The following GAK variants were observed in gnomAD, a reference collection of about 807,000 sequenced individuals.
The protein encoded by GAK is cyclin G associated kinase.
Under a neutral mutation model 143.9 loss-of-function variants are expected in GAK, and 79 were observed. The observed-to-expected ratio is 0.55, with a 90% confidence interval of 0.46 to 0.66. The LOEUF (loss-of-function observed/expected upper bound fraction) is 0.66. Ranked by LOEUF, GAK falls within the 30% of genes least tolerant of loss-of-function variation. The pLI, the probability that GAK is intolerant of heterozygous loss-of-function variation, is 0.00. For missense variants in GAK, 1,693 were observed against 1,779.7 expected, an observed-to-expected ratio of 0.95 and a Z score of 0.88; for synonymous variants, 881 against 765.5, an observed-to-expected ratio of 1.15 and a Z score of -2.49.
intron 18 of GAK, among the ~76,000 whole-genome samples, chr4:875,390 C>T (rs991719506): frequency 2.2e-4 from 33 of 152,264 alleles, no homozygotes; most frequent in Non-Finnish European, 2.9e-4. Flanking sequence ...GAAGACACCC[C>T]GGTCTCCCGG....
intron 4 of GAK, among the ~76,000 whole-genome samples, chr4:909,422 C>T (rs963726041): frequency 3.3e-5 from 5 of 152,212 alleles, no homozygotes; most frequent in Non-Finnish European, 7.3e-5. Context: ...GGAGCCTTGA[C>T]GAGGCCCCGG....
At chr4:906,047 G>A (rs1290264477) in intron 4 of GAK, among the ~76,000 whole-genome samples, 5 of 152,216 alleles carry the variant, frequency 3.3e-5, no homozygotes, top group Admixed American at 6.5e-5. Flanking sequence ...CTGGCATGCC[G>A]TTAACGTGAG....
intron 19 of GAK, chr4:869,944 C>T (rs1201009488): frequency 6.6e-6 from 1 of 151,960 alleles, no homozygotes; most frequent in African/African-American, 2.4e-5. Flanking sequence ...CATGCACACA[C>T]ACAAATGGAC....
rs893361522 is a variant in GAK at position 866,441 on chromosome 4, G to A, written c.2966C>T (p.Ser989Phe). ...CGGGAAGGATGGTGGGACGGTCACA[G>A]AGTCCGAATTGAGAAATTCGCCGAA... ...DLFGEFLNSD[S>F]VTVPPSFPSA... Residue 989 changes from serine to phenylalanine, a missense_variant, in exon 22 of 28, where the codon TCT becomes TTT. By Grantham distance (155) the Ser-to-Phe change is radical. This residue lies in a region of GAK where 822 missense variants were observed against 788.7 expected (regional missense o/e 1.04). Coordinates refer to ENST00000314167, the MANE Select transcript of GAK (RefSeq NM_005255.4). 8.1e-6 allele frequency: 13 copies of A among 1,614,028 alleles called. No homozygotes were observed. The highest frequency in any genetic ancestry group is 1.0e-5 in the Non-Finnish European group (12 of 1,179,984).
chr4:849,487 ACAAT>A lies in GAK; in HGVS notation c.*182_*185del. On this transcript the variant is annotated 3_prime_UTR_variant, in exon 28 of 28. Coordinates refer to ENST00000314167, the MANE Select transcript of GAK (RefSeq NM_005255.4). ...CCTTCGGGAGGAGAAAAAGGAAACA[ACAAT>A]CAGAGGCTTTGGAATGCTTTCTCTT... The A allele has an allele frequency of 1.7e-6, 1 of 582,236 alleles. No homozygotes were observed. Among genetic ancestry groups the A allele is most frequent in the Non-Finnish European group, 3.1e-6 (1 of 320,990 alleles). 36.1% of individuals were successfully genotyped at this position (582,236 alleles called of 1,614,324 possible). A position where few individuals can be genotyped will look rare whatever the true frequency, so the allele number is the denominator to read the frequency against.
intron 15 of GAK, among the ~76,000 whole-genome samples, chr4:881,629 C>A (rs1301445306): frequency 6.6e-6 from 1 of 152,272 alleles, no homozygotes. Context: ...CCAGAGCCCA[C>A]CACATACATG....
chr4:858,934 G>A (rs1749767863), intron 24 of GAK, among the ~76,000 whole-genome samples: 1 of 152,228 alleles, frequency 6.6e-6, no homozygotes. Flanking sequence ...AGCATCCCAA[G>A]GTGGAGCCAC....
chr4:920,524 A>G (rs1723740677), intron 1 of GAK, among the ~76,000 whole-genome samples: 2 of 148,460 alleles, frequency 1.3e-5, no homozygotes. Context: ...AAAATTGTGA[A>G]AAAGGTTTAG....
intron 18 of GAK, among the ~76,000 whole-genome samples, chr4:875,645 C>T (rs1363309497): frequency 6.6e-6 from 1 of 152,252 alleles, no homozygotes; most frequent in African/African-American, 2.4e-5. Flanking sequence ...GTTTGTTCCA[C>T]TGTGTCTTGG....
At chr4:866,909 C>A in intron 21 of GAK, 47 bp downstream of exon 21, 1 of 1,327,108 alleles carries the variant, frequency 7.5e-7, no homozygotes, top group South Asian at 1.5e-5. Flanking sequence ...TCAGCCTCAT[C>A]ACTCATCTAC....
At chr4:896,580 GT>G in intron 6 of GAK, 31 bp from the exon 7 acceptor site, 1 of 1,528,220 alleles carries the variant, frequency 6.5e-7, no homozygotes, top group Non-Finnish European at 9.1e-7. Context: ...CAAAGGAAAA[GT>G]TGCATCCCAC....
In GAK at chr4:913,621, C is replaced by G; in HGVS notation, c.193G>C (p.Glu65Gln). The G allele has an allele frequency of 6.2e-7, 1 of 1,613,550 alleles. No individual in the cohort carries two copies. Among genetic ancestry groups the G allele is most frequent in the South Asian group, 1.1e-5 (1 of 91,080 alleles). ...TGGTTCATTACCTTTAATGCATACT[C>G]TCTGCCACTCCCCACATCTTGAGCT... Reference protein sequence around the residue: ...YEAQDVGSGREYALKRLLSNE... With the variant: ...YEAQDVGSGRQYALKRLLSNE... The change falls in exon 2 of 28, where the codon GAG becomes CAG. Residue 65 changes from glutamate to glutamine, a missense_variant. Transcript: ENST00000314167.
intron 1 of GAK, among the ~76,000 whole-genome samples, chr4:914,584 G>A (rs1399324065): frequency 1.0e-5 from 1 of 97,414 alleles, no homozygotes. Flanking sequence ...CAGCCCCAGG[G>A]TGCACGGCCC....
At chr4:897,197 T>C (rs1718970176) in intron 6 of GAK, among the ~76,000 whole-genome samples, 5 of 152,204 alleles carry the variant, frequency 3.3e-5, no homozygotes. Flanking sequence ...CATCCTCAGC[T>C]GCAGATTCAC....
In GAK at chr4:918,804, C is replaced by T. The variant is rs371685783; in HGVS notation, c.146-5136G>A. On this transcript the variant is annotated intron_variant, in intron 1 of 27. Coordinates refer to ENST00000314167, the MANE Select transcript of GAK (RefSeq NM_005255.4). ...AGGCAGAAGGCTCCAAAGGCCTCAG[C>T]GCCGCATGACCTTAGAAAGGCAGAA... Among the ~76,000 whole-genome samples the T allele has an allele frequency of 7.6e-4, 107 of 141,442 alleles. 1 individual carries two copies. The highest frequency in any genetic ancestry group is 1.9e-3 in the African/African-American group (71 of 37,636). 92.8% of individuals were successfully genotyped at this position (141,442 alleles called of 152,430 possible).
intron 15 of GAK, among the ~76,000 whole-genome samples, chr4:878,251 T>C (rs1463601294): frequency 6.6e-6 from 1 of 152,130 alleles, no homozygotes; most frequent in Non-Finnish European, 1.5e-5. Context: ...CAGCCGGACT[T>C]GGTGGTGTGC....
At chr4:850,257 C>T in intron 26 of GAK, 189 bp from the exon 27 acceptor site, 2 of 493,920 alleles carry the variant, frequency 4.0e-6, no homozygotes, top group Non-Finnish European at 7.1e-6. Flanking sequence ...CGACACAGGG[C>T]CAGGTGGTCT....
intron 11 of GAK, chr4:887,315 CAT>C (rs1413916137): frequency 6.7e-6 from 1 of 148,964 alleles, no homozygotes. Context: ...CACGTGTACA[CAT>C]GCACGCGGCT....
rs531330568 is a variant in GAK at position 868,411 on chromosome 4, C to T, written c.2395+128G>A. The T allele has an allele frequency of 2.3e-5, 19 of 825,474 alleles. 1 individual carries two copies. In the South Asian group the frequency reaches 3.0e-4, roughly 13 times the overall value. The allele number at this position is 825,474 out of a possible 1,614,324, so 51.1% of individuals were successfully genotyped here. A position where few individuals can be genotyped will look rare whatever the true frequency, so the allele number is the denominator to read the frequency against. ...AGAACAGGCTGACATGCCGGGTGCACAGCCCCACTGAGGTGCAACTCAGCT... is the reference window on the plus strand; with the variant it reads ...AGAACAGGCTGACATGCCGGGTGCATAGCCCCACTGAGGTGCAACTCAGCT... On this transcript the variant is annotated intron_variant, in intron 20 of 27. Coordinates refer to ENST00000314167, the MANE Select transcript of GAK (RefSeq NM_005255.4).
Sources: allele counts gnomAD v4.1 joint callset (sites outside exome capture counted in the v4.1 genomes callset), GRCh38; gene constraint gnomAD v4.1.1; regional missense constraint gnomAD v4.1.1; transcripts MANE v1.5; gene names NCBI Gene and HGNC (gene_info 2026-07-23, HGNC 2026-07-21).